Variants in EPS15 observed in about 807,000 individuals in gnomAD.
The protein encoded by EPS15 is epidermal growth factor receptor pathway substrate 15.
A neutral mutation model predicts 113.8 loss-of-function variants in EPS15; 72 were observed. That is an observed-to-expected ratio of 0.63 (90% CI 0.52 to 0.77). The LOEUF (loss-of-function observed/expected upper bound fraction) is 0.77. EPS15 is among the 30% of genes least tolerant of loss of function. The pLI, the probability that EPS15 is intolerant of heterozygous loss-of-function variation, is 0.00. For missense variants in EPS15, 1,048 were observed against 1,045.8 expected (o/e 1.00, Z -0.03); for synonymous variants, 344 against 363.4 (o/e 0.95, Z 0.61).
rs539232711 is a variant in EPS15, at chr1:51,354,679, A to G, written c.*2021T>C. ...GACTCTAAGACATTCATCCTACACA[A>G]GCGAGCACATATACATATATATTTA... On this transcript the variant is annotated 3_prime_UTR_variant, in exon 25 of 25. Transcript: ENST00000371733. 1 of 184,168 alleles carries G rather than the reference A, an allele frequency of 5.4e-6. No individual in the cohort carries two copies. The highest frequency in any genetic ancestry group is 8.8e-5 in the East Asian group (1 of 11,342). 11.4% of individuals were successfully genotyped at this position (184,168 alleles called of 1,614,324 possible). A position where few individuals can be genotyped will look rare whatever the true frequency, so the allele number is the denominator to read the frequency against.
chr1:51,515,953 T>G (rs541248185), intron 1 of EPS15, among the ~76,000 whole-genome samples: 1 of 152,128 alleles, frequency 6.6e-6, no homozygotes, highest in Non-Finnish European at 1.5e-5. Context: ...GTTAACAGTA[T>G]TATTATTATT....
chr1:51,491,702 C>T (rs1036165165), intron 1 of EPS15, among the ~76,000 whole-genome samples: 3 of 151,916 alleles, frequency 2.0e-5, no homozygotes, highest in East Asian at 1.9e-4. Flanking sequence ...GGGTGGAGGG[C>T]GTGGTGGGGC....
chr1:51,424,102 A>G (rs1041936651), intron 12 of EPS15, among the ~76,000 whole-genome samples: 10 of 152,218 alleles, frequency 6.6e-5, no homozygotes, highest in Admixed American at 5.2e-4. Flanking sequence ...CTGGTCTTAC[A>G]ATATTCCTTT....
intron 1 of EPS15, among the ~76,000 whole-genome samples, chr1:51,498,861 T>C (rs1644368533): frequency 6.6e-6 from 1 of 152,194 alleles, no homozygotes; most frequent in African/African-American, 2.4e-5. Flanking sequence ...TGAAACTTAA[T>C]CTCCAATGCA....
intron 12 of EPS15, among the ~76,000 whole-genome samples, chr1:51,431,396 G>T (rs1251514197): frequency 6.6e-6 from 1 of 151,954 alleles, no homozygotes; most frequent in Non-Finnish European, 1.5e-5. Flanking sequence ...CACCCCCTTA[G>T]TGGCAGGTCC....
intron 12 of EPS15, among the ~76,000 whole-genome samples, chr1:51,430,977 TACACAC>T (rs67920039): frequency 0.13 from 15,601 of 121,938 alleles, 735 homozygotes; most frequent in Middle Eastern, 0.15. Context: ...ATTACTTACA[TACACAC>T]ACACACACAC....
chr1:51,392,413 C>A (rs1037714225), intron 21 of EPS15, among the ~76,000 whole-genome samples: 4 of 152,146 alleles, frequency 2.6e-5, no homozygotes, highest in African/African-American at 4.8e-5. Context: ...AATGATAAAT[C>A]TTTGCACCCT....
chr1:51,487,825 A>G (rs910937688), intron 1 of EPS15, among the ~76,000 whole-genome samples: 2 of 152,216 alleles, frequency 1.3e-5, no homozygotes, highest in Non-Finnish European at 2.9e-5. Context: ...GAATGGAAAA[A>G]GCCATCCAAA....
At position 51,461,144 on chromosome 1, in the gene EPS15, C is replaced by A; in HGVS notation, c.508G>T (p.Glu170Ter). 1 of 1,597,296 alleles carries A rather than the reference C, an allele frequency of 6.3e-7. No individual in the cohort carries two copies. The highest frequency in any genetic ancestry group is 8.6e-7 in the Non-Finnish European group (1 of 1,164,916). The change falls in exon 8 of 25, where the codon GAG becomes TAG. Residue 170 changes from glutamate (E) to a stop codon, truncating the protein, a stop_gained. Coordinates refer to ENST00000371733, the MANE Select transcript of EPS15 (RefSeq NM_001981.3). LOFTEE classifies it high-confidence loss of function. ...CCATCATGGTCAATATCACTCAACT[C>A]CCAAACCTTAAAAAGAGAATAATTG... ...LPVDILGRVWELSDIDHDGML... is the reference protein window; with the variant it reads ...LPVDILGRVW
intron 1 of EPS15, among the ~76,000 whole-genome samples, chr1:51,482,611 G>A (rs61782117): frequency 2.0e-4 from 30 of 151,958 alleles, no homozygotes; most frequent in Non-Finnish European, 3.2e-4. Context: ...CATTACAGGC[G>A]TGCACCACCA....
chr1:51,461,255 A>G (rs1394792075), intron 7 of EPS15, 105 bp from the exon 8 acceptor site: 1 of 782,786 alleles, frequency 1.3e-6, no homozygotes, highest in South Asian at 1.6e-5. Flanking sequence ...GCTCATGCCC[A>G]TATGGCCTCC....
chr1:51,424,156 A>ATT (rs764031926), intron 12 of EPS15, among the ~76,000 whole-genome samples: 4,573 of 152,300 alleles, frequency 0.03, 75 homozygotes, highest in African/African-American at 0.05. Flanking sequence ...CTAAACAGAA[A>ATT]ACTTAAAAAG....
rs1373338573 is a variant in EPS15, at chr1:51,355,950, C to T, written c.*750G>A. 1 of 191,656 alleles carries T rather than the reference C, an allele frequency of 5.2e-6. No individual in the cohort carries two copies. Among genetic ancestry groups the T allele is most frequent in the Non-Finnish European group, 1.1e-5 (1 of 91,784 alleles). 11.9% of individuals were successfully genotyped at this position (191,656 alleles called of 1,614,324 possible). A position where few individuals can be genotyped will look rare whatever the true frequency, so the allele number is the denominator to read the frequency against. On this transcript the variant is annotated 3_prime_UTR_variant, in exon 25 of 25. Transcript: ENST00000371733. ...CTTAAAATGAACATTTTCTTACAAA[C>T]TTTATTTGTAAGAAACTGATTTTTA...
At position 51,403,442 on chromosome 1, in the gene EPS15, C is replaced by T. The variant is rs1315140673; in HGVS notation, c.1768G>A (p.Asp590Asn). The T allele has an allele frequency of 1.1e-5, 18 of 1,602,162 alleles. No individual in the cohort carries two copies. The highest frequency in any genetic ancestry group is 2.7e-5 in the African/African-American group (2 of 74,536). ...ACCTCTTTTGAATGTCTATTATTGT[C>T]GAGTTCAGAACAAACTTTTTCAGTA... ...AVTEKVCSEL[D>N]NNRHSKEEDP... The change falls in exon 17 of 25, where the codon GAC becomes AAC. Residue 590 changes from aspartate (D) to asparagine (N), a missense_variant. Asp to Asn is a conservative substitution (Grantham distance 23). Transcript: ENST00000371733.
intron 4 of EPS15, 112 bp from the exon 5 acceptor site, chr1:51,468,680 C>A: frequency 1.5e-6 from 1 of 677,332 alleles, no homozygotes. Flanking sequence ...CTACAGAGGT[C>A]TTATGTAGCA....
chr1:51,403,805 T>G (rs1467330452), intron 16 of EPS15, among the ~76,000 whole-genome samples: 2 of 152,168 alleles, frequency 1.3e-5, no homozygotes. Flanking sequence ...AATCCTTGCC[T>G]TCTTCTCCAT....
intron 1 of EPS15, among the ~76,000 whole-genome samples, chr1:51,484,668 G>C (rs1351019139): frequency 1.3e-5 from 2 of 152,178 alleles, no homozygotes; most frequent in Non-Finnish European, 2.9e-5. Context: ...TGCAAGGGGA[G>C]TGCATAGACT....
At chr1:51,487,603 A>G (rs967430177) in intron 1 of EPS15, among the ~76,000 whole-genome samples, 3 of 152,212 alleles carry the variant, frequency 2.0e-5, no homozygotes, top group African/African-American at 7.2e-5. Flanking sequence ...CCTCAATAAT[A>G]AAAAGTTAAT....
intron 21 of EPS15, among the ~76,000 whole-genome samples, chr1:51,381,580 G>A (rs554668084): frequency 3.3e-5 from 5 of 152,106 alleles, no homozygotes; most frequent in African/African-American, 9.7e-5. Flanking sequence ...GTGGCAGAAC[G>A]AGGCTCTATC....
Sources: allele counts gnomAD v4.1 joint callset (sites outside exome capture counted in the v4.1 genomes callset), GRCh38; gene constraint gnomAD v4.1.1; transcripts MANE v1.5; gene names NCBI Gene and HGNC (gene_info 2026-07-23, HGNC 2026-07-21).